TTF2: variants seen among roughly 807,000 people sequenced by gnomAD.
TTF2 encodes transcription termination factor 2.
TTF2 carries 108 observed loss-of-function variants against 142.4 expected under a neutral mutation model. The ratio of observed to expected loss-of-function variants is 0.76; its 90% CI spans 0.65 to 0.89. TTF2 has a LOEUF of 0.89. Ranked by LOEUF, TTF2 falls within the 40% of genes least tolerant of loss-of-function variation. The pLI is 0.00. For missense variants in TTF2, 1,327 were observed against 1,379.8 expected (o/e 0.96, Z 0.61); for synonymous variants, 483 against 506.2 (o/e 0.95, Z 0.61).
In TTF2 at chr1:117,086,700, C is replaced by T. The variant is rs1648049018; in HGVS notation, c.2160+178C>T. ...TCCCATCACCCTTATTCCAGACAACCACCTCAGTGATAAAGATCAACCTAT... is the reference window on the plus strand; with the variant it reads ...TCCCATCACCCTTATTCCAGACAACTACCTCAGTGATAAAGATCAACCTAT... On this transcript the variant is annotated intron_variant, in intron 12 of 22. Transcript: ENST00000369466. This position sits in a 1 kb window ranked among gnomAD's most constrained non-coding sequence, Gnocchi z 4.2. Among the ~76,000 whole-genome samples the T allele has an allele frequency of 6.6e-6, 1 of 152,110 alleles. No individual in the cohort carries two copies. The highest frequency in any genetic ancestry group is 1.5e-5 in the Non-Finnish European group (1 of 68,018).
intron 2 of TTF2, 153 bp downstream of exon 2, chr1:117,060,710 C>A: frequency 1.5e-6 from 1 of 662,398 alleles, no homozygotes; most frequent in Non-Finnish European, 2.3e-6. Flanking sequence ...GATCCCAGGG[C>A]AGCGTGGCGT....
chr1:117,068,057 G>T (rs1246291869), intron 3 of TTF2, among the ~76,000 whole-genome samples: 1 of 152,198 alleles, frequency 6.6e-6, no homozygotes, highest in Non-Finnish European at 1.5e-5. Context: ...TAGAACCAGG[G>T]GGAAGAAATC....
In TTF2 at chr1:117,071,016, A is replaced by T. The variant is rs1019003415; in HGVS notation, c.219-2645A>T. Among the ~76,000 whole-genome samples the T allele has an allele frequency of 4.5e-4, 68 of 152,194 alleles. 1 individual carries two copies. The highest frequency in any genetic ancestry group is 7.8e-4 in the Non-Finnish European group (53 of 68,028). ...AAGAACAATAAATTAAACTGAAGGA[A>T]AGCAGAAGGAAGGAATTAATGTTGG... On this transcript the variant is annotated intron_variant, in intron 3 of 22. Transcript: ENST00000369466.
At position 117,100,133 on chromosome 1, in the gene TTF2, A is replaced by G. The variant is rs1344984588; in HGVS notation, c.3344+1226A>G. On this transcript the variant is annotated intron_variant, in intron 22 of 22. Coordinates refer to ENST00000369466, the MANE Select transcript of TTF2 (RefSeq NM_003594.4). The surrounding 1 kb of genome is among the most constrained non-coding windows in gnomAD (Gnocchi z 4.6). ...GAGCACCCACTATGTAGCAAGTATA[A>G]TTACATGTTTCAGGTACTCAAATGT... Among the ~76,000 whole-genome samples, 1 of 152,256 alleles carries G rather than the reference A, an allele frequency of 6.6e-6. No individual in the cohort carries two copies. Among genetic ancestry groups the G allele is most frequent in the Non-Finnish European group, 1.5e-5 (1 of 68,050 alleles).
chr1:117,098,747 G>T, intron 21 of TTF2, 86 bp from the exon 22 acceptor site: 1 of 1,124,334 alleles, frequency 8.9e-7, no homozygotes. Flanking sequence ...AAAACAAGCT[G>T]TGGGCTGGAT....
intron 11 of TTF2, among the ~76,000 whole-genome samples, 155 bp downstream of exon 11, chr1:117,084,323 G>C (rs2764856): frequency 1 from 152,376 of 152,376 alleles, 76,188 homozygotes; most frequent in Non-Finnish European, 1. Context: ...CAGCCTTTGC[G>C]TTGTATCCTG....
chr1:117,082,802 A>C (rs925974639), intron 10 of TTF2, among the ~76,000 whole-genome samples: 1 of 152,216 alleles, frequency 6.6e-6, no homozygotes, highest in Non-Finnish European at 1.5e-5. Context: ...CCAACTGGGC[A>C]AGAAAGCAAG....
chr1:117,079,513 G>A lies in TTF2; in HGVS notation c.1702-55G>A, dbSNP rs1007915594. On this transcript the variant is annotated intron_variant, in intron 8 of 22. Transcript: ENST00000369466. This position sits in a 1 kb window ranked among gnomAD's most constrained non-coding sequence, Gnocchi z 4.2. The stretch of plus-strand genomic sequence containing the variant: ...GTGTAGAGTTCGTGTAGCCAGGCTC[G>A]GCATAGCCTCTCATTAGGAATTTAT... The A allele has an allele frequency of 1.0e-5, 16 of 1,549,576 alleles. No individual in the cohort carries two copies. The highest frequency in any genetic ancestry group is 3.3e-5 in the Admixed American group (2 of 59,798).
Position 117,097,076 on chromosome 1 carries a change from G to C in TTF2, c.3187-275G>C, listed in dbSNP as rs976389747. ...AGTTTATTGAGCTGACCATCCCCAG[G>C]GTTCTAAATTACAGTATTTATATAT... On this transcript the variant is annotated intron_variant, in intron 20 of 22. Coordinates refer to ENST00000369466, the MANE Select transcript of TTF2 (RefSeq NM_003594.4). The surrounding 1 kb of genome is among the most constrained non-coding windows in gnomAD (Gnocchi z 4.1). Among the ~76,000 whole-genome samples, 2 of 151,984 alleles carry C rather than the reference G, an allele frequency of 1.3e-5. No individual in the cohort carries two copies. Among genetic ancestry groups the C allele is most frequent in the African/African-American group, 4.8e-5 (2 of 41,356 alleles).
Position 117,093,009 on chromosome 1 carries a change from G to A in TTF2, c.2976+108G>A. The A allele has an allele frequency of 7.8e-7, 1 of 1,286,824 alleles. No individual in the cohort carries two copies. Among genetic ancestry groups the A allele is most frequent in the Admixed American group, 2.1e-5 (1 of 47,050 alleles). 79.7% of individuals were successfully genotyped at this position (1,286,824 alleles called of 1,614,324 possible). On this transcript the variant is annotated intron_variant, in intron 18 of 22. Coordinates refer to ENST00000369466, the MANE Select transcript of TTF2 (RefSeq NM_003594.4). This position sits in a 1 kb window ranked among gnomAD's most constrained non-coding sequence, Gnocchi z 4.5. ...GTGGGAACAGCCATTTGCCAGCAGA[G>A]CTAGAGCCGTTAAATTCTAGCTGAT...
Position 117,079,722 on chromosome 1 carries a change from A to G in TTF2, c.1783+73A>G. On this transcript the variant is annotated intron_variant, in intron 9 of 22. Coordinates refer to ENST00000369466, the MANE Select transcript of TTF2 (RefSeq NM_003594.4). This position sits in a 1 kb window ranked among gnomAD's most constrained non-coding sequence, Gnocchi z 4.2. The stretch of plus-strand genomic sequence containing the variant: ...TGTGCTAAACACGTAGTGTTGTTTC[A>G]TTTATTCCTCTCAAGAACTCTATGA... 7.1e-7 allele frequency: 1 copy of G among 1,410,500 alleles called. No individual in the cohort carries two copies. Among genetic ancestry groups the G allele is most frequent in the South Asian group, 1.2e-5 (1 of 86,578 alleles). The allele number at this position is 1,410,500 out of a possible 1,614,324, so 87.4% of individuals were successfully genotyped here.
chr1:117,062,672 T>G (rs973380936), intron 3 of TTF2, among the ~76,000 whole-genome samples, 199 bp downstream of exon 3: 10 of 152,200 alleles, frequency 6.6e-5, no homozygotes, highest in Non-Finnish European at 1.3e-4. Flanking sequence ...TGATTTCTAG[T>G]AATTTTCACG....
intron 10 of TTF2, 61 bp downstream of exon 10, chr1:117,082,008 G>A: frequency 6.2e-7 from 1 of 1,611,448 alleles, no homozygotes; most frequent in Non-Finnish European, 8.5e-7. Context: ...CCCAAGAGGG[G>A]AACGTCTTCA....
rs914529472 is a variant in TTF2, at chr1:117,090,785, T to C, written c.2588+162T>C. Among the ~76,000 whole-genome samples the C allele has an allele frequency of 3.3e-5, 5 of 151,850 alleles. No homozygotes were observed. Among genetic ancestry groups the C allele is most frequent in the Admixed American group, 6.6e-5 (1 of 15,244 alleles). ...TTACCCCATTTTTCTCCTTCTCCCCTCCCCAGCTTACCTCTGTCTCATACA... is the reference window on the plus strand; with the variant it reads ...TTACCCCATTTTTCTCCTTCTCCCCCCCCCAGCTTACCTCTGTCTCATACA... On this transcript the variant is annotated intron_variant, in intron 15 of 22. Coordinates refer to ENST00000369466, the MANE Select transcript of TTF2 (RefSeq NM_003594.4). This position sits in a 1 kb window ranked among gnomAD's most constrained non-coding sequence, Gnocchi z 4.8.
intron 20 of TTF2, 42 bp downstream of exon 20, chr1:117,096,341 G>A: frequency 6.3e-7 from 1 of 1,591,708 alleles, no homozygotes; most frequent in Non-Finnish European, 8.6e-7. Flanking sequence ...TAACTGTTCT[G>A]AGTTATACAA....
Position 117,075,936 on chromosome 1 carries a change from A to G in TTF2, c.1275+77A>G. ...GGCAGATATGAGATCTCATTGCTAC[A>G]GAAGGGTTAAATATGTTCATGTGAA... On this transcript the variant is annotated intron_variant, in intron 5 of 22. Transcript: ENST00000369466. This position sits in a 1 kb window ranked among gnomAD's most constrained non-coding sequence, Gnocchi z 4.5. The G allele has an allele frequency of 6.6e-7, 1 of 1,513,950 alleles. No homozygotes were observed. Among genetic ancestry groups the G allele is most frequent in the Non-Finnish European group, 8.8e-7 (1 of 1,137,712 alleles). 93.8% of individuals were successfully genotyped at this position (1,513,950 alleles called of 1,614,324 possible).
intron 16 of TTF2, 36 bp from the exon 17 acceptor site, chr1:117,091,781 C>G: frequency 6.2e-7 from 1 of 1,601,940 alleles, no homozygotes; most frequent in South Asian, 1.1e-5. Context: ...CTTTTAAATC[C>G]TGTACCATCC....
In TTF2 at chr1:117,090,739, G is replaced by T; in HGVS notation, c.2588+116G>T. The T allele has an allele frequency of 2.4e-6, 2 of 820,598 alleles. No individual in the cohort carries two copies. Among genetic ancestry groups the T allele is most frequent in the Non-Finnish European group, 3.8e-6 (2 of 521,082 alleles). 50.8% of individuals were successfully genotyped at this position (820,598 alleles called of 1,614,324 possible). ...TTATGGCATTATTGATTAGTTGGAT[G>T]TCTGTATTCCCTTTTTTTTTTTACC... On this transcript the variant is annotated intron_variant, in intron 15 of 22. Transcript: ENST00000369466. The surrounding 1 kb of genome is among the most constrained non-coding windows in gnomAD (Gnocchi z 4.8).
In TTF2 at chr1:117,102,150, GA is replaced by G. The variant is rs1026605184; in HGVS notation, c.*634del. 6 of 151,950 alleles carry G rather than the reference GA, an allele frequency of 3.9e-5. No individual in the cohort carries two copies. The highest frequency in any genetic ancestry group is 7.4e-5 in the Non-Finnish European group (5 of 68,006). 9.4% of individuals were successfully genotyped at this position (151,950 alleles called of 1,614,324 possible). ...CAGTGAGACCCTGTCTCAAAAAAAG[GA>G]AAAAAAAGCTCAAAAAGTTCTGTGT... On this transcript the variant is annotated 3_prime_UTR_variant, in exon 23 of 23. Transcript: ENST00000369466.
Sources: allele counts gnomAD v4.1 joint callset (sites outside exome capture counted in the v4.1 genomes callset), GRCh38; gene constraint gnomAD v4.1.1; non-coding constraint Gnocchi (gnomAD v3.1); transcripts MANE v1.5; gene names NCBI Gene and HGNC (gene_info 2026-07-23, HGNC 2026-07-21).